Variants in SAMD13 observed in about 807,000 individuals in gnomAD.
SAMD13 encodes sterile alpha motif domain-containing protein 13.
SAMD13 carries 9 observed loss-of-function variants against 12.4 expected under a neutral mutation model. The ratio of observed to expected loss-of-function variants is 0.72; its 90% CI spans 0.44 to 1.26. SAMD13 has a LOEUF of 1.26. Ranked by LOEUF, SAMD13 falls within the 50% of genes most tolerant of loss-of-function variation. The probability of loss-of-function intolerance (pLI) is 0.00; values close to 1 mark genes in which losing one functional copy is unlikely to be tolerated. For synonymous variants in SAMD13, 46 were observed against 45.4 expected, an observed-to-expected ratio of 1.01 and a Z score of -0.05; for missense variants, 84 against 119.6, an observed-to-expected ratio of 0.70 and a Z score of 1.39.
intron 3 of SAMD13, among the ~76,000 whole-genome samples, chr1:84,340,840 G>C (rs1679408816): frequency 6.6e-6 from 1 of 152,184 alleles, no homozygotes; most frequent in South Asian, 2.1e-4. Flanking sequence ...ATTTCTGGGG[G>C]TGTCTGTGGG....
intron 3 of SAMD13, among the ~76,000 whole-genome samples, chr1:84,327,409 A>G (rs1230497628): frequency 6.6e-6 from 1 of 152,138 alleles, no homozygotes; most frequent in African/African-American, 2.4e-5. Flanking sequence ...TAAAAAAACA[A>G]TCAGAACAGG....
chr1:84,335,877 A>G (rs1570255432), intron 3 of SAMD13, among the ~76,000 whole-genome samples: 1 of 152,116 alleles, frequency 6.6e-6, no homozygotes, highest in South Asian at 2.1e-4. Flanking sequence ...TAGGCCCCCA[A>G]TATCTTCTGG....
chr1:84,336,112 C>T (rs1208705344), intron 3 of SAMD13, among the ~76,000 whole-genome samples: 1 of 152,176 alleles, frequency 6.6e-6, no homozygotes, highest in Non-Finnish European at 1.5e-5. Flanking sequence ...GTTGGGGAAA[C>T]TTTCACGGAC....
chr1:84,299,673 A>ATATATATATATTTATTTATT, upstream of SAMD13: 1 of 893,364 alleles, frequency 1.1e-6, no homozygotes, highest in South Asian at 4.1e-5. Context: ...ATATATATAT[A>ATATATATATATTTATTTATT]TATTTATTTA....
intron 2 of SAMD13, among the ~76,000 whole-genome samples, chr1:84,311,348 A>G (rs965360415): frequency 2.7e-5 from 4 of 146,836 alleles, no homozygotes; most frequent in South Asian, 2.1e-4. Context: ...AAAAAAAAAA[A>G]AAGAAAAGAA....
chr1:84,326,992 G>A (rs192223308), intron 3 of SAMD13, among the ~76,000 whole-genome samples: 12 of 152,244 alleles, frequency 7.9e-5, no homozygotes, highest in Admixed American at 3.3e-4. Flanking sequence ...AAACATTCAC[G>A]AGGATGTGGA....
At chr1:84,342,341 A>G (rs1679444473) in intron 3 of SAMD13, among the ~76,000 whole-genome samples, 1 of 152,238 alleles carries the variant, frequency 6.6e-6, no homozygotes, top group African/African-American at 2.4e-5. Context: ...CAGAATTACA[A>G]GAAACTATTT....
chr1:84,313,199 C>CAT (rs1242168015), intron 2 of SAMD13, among the ~76,000 whole-genome samples: 1 of 152,036 alleles, frequency 6.6e-6, no homozygotes, highest in East Asian at 1.9e-4. Context: ...AAAGAATGTA[C>CAT]ATATATATGG....
intron 2 of SAMD13, among the ~76,000 whole-genome samples, chr1:84,314,219 T>C (rs931611481): frequency 6.6e-6 from 1 of 151,994 alleles, no homozygotes; most frequent in Non-Finnish European, 1.5e-5. Flanking sequence ...AGTCCAACCG[T>C]GCATACATGT....
At chr1:84,348,551 T>C (rs1679582618) in intron 3 of SAMD13, among the ~76,000 whole-genome samples, 1 of 152,174 alleles carries the variant, frequency 6.6e-6, no homozygotes, top group East Asian at 1.9e-4. Flanking sequence ...AGGAACCAGC[T>C]CAGGTTCTTA....
At chr1:84,334,252 G>A (rs1679251213) in intron 3 of SAMD13, among the ~76,000 whole-genome samples, 1 of 151,858 alleles carries the variant, frequency 6.6e-6, no homozygotes, top group African/African-American at 2.4e-5. Flanking sequence ...GTTTGTTTAG[G>A]GCTTCAGTTT....
chr1:84,301,861 TGTAGTGTG>T, intron 1 of SAMD13, 60 bp downstream of exon 1: 1 of 699,388 alleles, frequency 1.4e-6, no homozygotes, highest in Non-Finnish European at 1.8e-6. Context: ...AATAAGACAA[TGTAGTGTG>T]GTGTTGCAGA....
intron 2 of SAMD13, among the ~76,000 whole-genome samples, chr1:84,313,867 T>A (rs1185813872): frequency 6.6e-6 from 1 of 152,178 alleles, no homozygotes; most frequent in Non-Finnish European, 1.5e-5. Flanking sequence ...TAATTAGTAA[T>A]GTGATGCTTT....
intron 3 of SAMD13, among the ~76,000 whole-genome samples, chr1:84,346,116 C>T (rs1018117970): frequency 6.6e-6 from 1 of 152,182 alleles, no homozygotes; most frequent in Non-Finnish European, 1.5e-5. Context: ...ACAGTAGTTA[C>T]TTTCCCCCAT....
chr1:84,349,401 G>A (rs1319065331), intron 3 of SAMD13, among the ~76,000 whole-genome samples: 2 of 152,156 alleles, frequency 1.3e-5, no homozygotes, highest in Non-Finnish European at 2.9e-5. Flanking sequence ...GTTTGTGATA[G>A]GATCTTGAAA....
At chr1:84,314,412 G>A (rs575099781) in intron 2 of SAMD13, among the ~76,000 whole-genome samples, 1 of 152,268 alleles carries the variant, frequency 6.6e-6, no homozygotes, top group Admixed American at 6.5e-5. Context: ...TTCAGCATTT[G>A]TTTATTTACT....
At position 84,322,456 on chromosome 1, in the gene SAMD13, C is replaced by T. The variant is rs374810411; in HGVS notation, c.54-3181C>T. On this transcript the variant is annotated intron_variant, in intron 2 of 3. Coordinates refer to ENST00000394834, the MANE Select transcript of SAMD13 (RefSeq NM_001134663.2). ...TTCACAAAGAGGTGGGAGGCTGATA[C>T]TGAGTAACGTGTGAAAAACAGATTT... 2.8e-4 allele frequency among the ~76,000 whole-genome samples: 42 copies of T among 152,258 alleles called. 1 individual carries two copies. Among genetic ancestry groups the T allele is most frequent in the Middle Eastern group, 6.8e-3 (2 of 294 alleles).
intron 2 of SAMD13, among the ~76,000 whole-genome samples, chr1:84,308,926 A>C (rs941796034): frequency 1.3e-5 from 2 of 152,198 alleles, no homozygotes; most frequent in African/African-American, 2.4e-5. Flanking sequence ...AGTTAAGAAC[A>C]CTTGGGTTTG....
Position 84,350,714 on chromosome 1 carries a change from CAA to C in SAMD13, c.*942_*943del. 1 of 152,530 alleles carries C rather than the reference CAA, an allele frequency of 6.6e-6. No homozygotes were observed. The highest frequency in any genetic ancestry group is 1.5e-5 in the Non-Finnish European group (1 of 67,986). The allele number at this position is 152,530 out of a possible 1,614,324, so 9.4% of individuals were successfully genotyped here. Reference sequence around the variant, plus strand: ...AAAGTGGGCTTGCTACATCTCTGTTCAAAGAGACATTTGTTCAATCTCTGTGT... The same window carrying C: ...AAAGTGGGCTTGCTACATCTCTGTTCAGAGACATTTGTTCAATCTCTGTGT... On this transcript the variant is annotated 3_prime_UTR_variant, in exon 4 of 4. Coordinates refer to ENST00000394834, the MANE Select transcript of SAMD13 (RefSeq NM_001134663.2).
Sources: gnomAD v4.1 joint callset for allele counts (sites outside exome capture counted in the v4.1 genomes callset) on GRCh38, gnomAD v4.1.1 for gene constraint, MANE v1.5 for transcripts, NCBI Gene and HGNC (gene_info 2026-07-23, HGNC 2026-07-21) for gene names.